Variants in IL12RB1 observed in about 807,000 individuals in gnomAD.
The protein encoded by IL12RB1 is interleukin 12 receptor subunit beta 1.
IL12RB1 carries 64 observed loss-of-function variants against 94.4 expected under a neutral mutation model. That is an observed-to-expected ratio of 0.68 (90% CI 0.55 to 0.83). The LOEUF is 0.83. Among genes scored for constraint, IL12RB1 ranks in the 40% least tolerant of loss-of-function variants. The pLI, the probability that IL12RB1 is intolerant of heterozygous loss-of-function variation, is 0.00. For missense variants in IL12RB1, 814 were observed against 855.6 expected, an observed-to-expected ratio of 0.95 and a Z score of 0.61; for synonymous variants, 362 against 355.5, an observed-to-expected ratio of 1.02 and a Z score of -0.21.
At chr19:18,082,313 C>A (rs1423459134) in intron 2 of IL12RB1, 49 bp from the exon 3 acceptor site, 1 of 1,079,974 alleles carries the variant, frequency 9.3e-7, no homozygotes, top group African/African-American at 1.6e-5. Flanking sequence ...CTGGAGGGGT[C>A]TTCGTGCCTA....
Position 18,072,434 on chromosome 19 carries a change from A to C in IL12RB1, c.784-85T>G, listed in dbSNP as rs1354810739. 7 of 858,904 alleles carry C rather than the reference A, an allele frequency of 8.1e-6. No individual in the cohort carries two copies. In the African/African-American group the frequency reaches 1.2e-4, roughly 14 times the overall value. The allele number at this position is 858,904 out of a possible 1,614,324, so 53.2% of individuals were successfully genotyped here. On this transcript the variant is annotated intron_variant, in intron 8 of 16. Coordinates refer to ENST00000593993, the MANE Select transcript of IL12RB1 (RefSeq NM_005535.3). Reference sequence around the variant, plus strand: ...AGACAGCAGGGCACAGCCTATGAAGACAGACTTGGACAAAGGCCACAGCCA... The same window carrying C: ...AGACAGCAGGGCACAGCCTATGAAGCCAGACTTGGACAAAGGCCACAGCCA...
chr19:18,059,300 C>T lies in IL12RB1; in HGVS notation c.*308G>A, dbSNP rs1450202927. 3 of 503,246 alleles carry T rather than the reference C, an allele frequency of 6.0e-6. No individual in the cohort carries two copies. The highest frequency in any genetic ancestry group is 7.2e-5 in the East Asian group (2 of 27,972). 31.2% of individuals were successfully genotyped at this position (503,246 alleles called of 1,614,324 possible). A position where few individuals can be genotyped will look rare whatever the true frequency, so the allele number is the denominator to read the frequency against. ...ATCCAGTGCTCCTGGGGGTGGATGC[C>T]CAGCCCAGGGTCCAGGGATCCATCT... On this transcript the variant is annotated 3_prime_UTR_variant, in exon 17 of 17. Coordinates refer to ENST00000593993, the MANE Select transcript of IL12RB1 (RefSeq NM_005535.3).
chr19:18,059,763 G>A lies in IL12RB1; in HGVS notation c.1983+131C>T. 5.5e-6 allele frequency: 4 copies of A among 729,906 alleles called. No homozygotes were observed. The South Asian group carries it at 5.8e-5, about 11-fold the overall frequency. 45.2% of individuals were successfully genotyped at this position (729,906 alleles called of 1,614,324 possible). On this transcript the variant is annotated intron_variant, in intron 16 of 16. Transcript: ENST00000593993. ...AGATAGTCGCTCTTCGTGTCTGTAA[G>A]ACAAAGTGGATGTTTTCGTTTCTCC...
intron 5 of IL12RB1, among the ~76,000 whole-genome samples, chr19:18,076,863 A>G (rs1042052246): frequency 6.6e-6 from 1 of 152,130 alleles, no homozygotes; most frequent in African/African-American, 2.4e-5. Flanking sequence ...TACTAAACAC[A>G]ATGTGGGATC....
Position 18,069,443 on chromosome 19 carries a change from C to A in IL12RB1, c.1189+103G>T, listed in dbSNP as rs17884695. On this transcript the variant is annotated intron_variant, in intron 10 of 16. Transcript: ENST00000593993. The stretch of plus-strand genomic sequence containing the variant: ...GAGTAAGCAGCAACACCTCTCTGGG[C>A]CTTAGACACCCGCTGTGTGCCTTCC... 1,070 of 1,128,086 alleles carry A rather than the reference C, an allele frequency of 9.5e-4. 10 individuals carry two copies. The African/African-American group carries it at 0.015, about 16-fold the overall frequency. 69.9% of individuals were successfully genotyped at this position (1,128,086 alleles called of 1,614,324 possible).
chr19:18,081,840 AAGAAAAAATGG>A (rs964039387), intron 3 of IL12RB1, among the ~76,000 whole-genome samples: 5 of 135,008 alleles, frequency 3.7e-5, no homozygotes, highest in Non-Finnish European at 6.5e-5. Context: ...AAAAAGAAAA[AAGAAAAAATGG>A]ATGGATGGAT....
chr19:18,090,965 A>G (rs1345120216), upstream of IL12RB1, among the ~76,000 whole-genome samples: 1 of 152,092 alleles, frequency 6.6e-6, no homozygotes, highest in Non-Finnish European at 1.5e-5. Context: ...GCCACAGCAG[A>G]GGCAAAAGTC....
At chr19:18,067,098 T>C (rs388567) in intron 11 of IL12RB1, among the ~76,000 whole-genome samples, 144,100 of 150,548 alleles carry the variant, frequency 0.96, 69,018 homozygotes, top group East Asian at 1. Context: ...CCAAGGTGGG[T>C]AGATCACTTA....
At chr19:18,086,960 T>TA, upstream of IL12RB1, 1 of 1,536,240 alleles carries the variant, frequency 6.5e-7, no homozygotes. Context: ...AGAAAAAAAG[T>TA]AAAGTGTCAC....
chr19:18,094,845 G>C (rs1355799987), intron 1 of IL12RB1, among the ~76,000 whole-genome samples: 1 of 151,912 alleles, frequency 6.6e-6, no homozygotes, highest in Non-Finnish European at 1.5e-5. Flanking sequence ...TATGACCCCG[G>C]AAGTCCATTC....
At chr19:18,092,184 CTTT>C (rs112888209) in intron 1 of IL12RB1, among the ~76,000 whole-genome samples, 1 of 129,440 alleles carries the variant, frequency 7.7e-6, no homozygotes, top group Non-Finnish European at 1.6e-5. Context: ...GACCATCCAG[CTTT>C]TTTTTTTTTT....
chr19:18,059,904 C>T lies in IL12RB1; in HGVS notation c.1973G>A (p.Cys658Tyr), dbSNP rs1464375553. The T allele has an allele frequency of 1.3e-6, 2 of 1,576,970 alleles. No individual in the cohort carries two copies. The highest frequency in any genetic ancestry group is 1.7e-6 in the Non-Finnish European group (2 of 1,160,048). Residue 658 changes from cysteine (C) to tyrosine (Y), a missense_variant, in exon 16 of 17, where the codon TGC becomes TAC. Transcript: ENST00000593993. ...TELSLEDGDR[C>Y]KAKM ...ACTGGGCCCCAGGACCTTGGCCTTG[C>T]ACCTGTCTCCATCCTCCAAGGACAA...
At chr19:18,065,696 G>A (rs1408370332) in intron 12 of IL12RB1, among the ~76,000 whole-genome samples, 3 of 152,090 alleles carry the variant, frequency 2.0e-5, no homozygotes, top group Admixed American at 1.3e-4. Flanking sequence ...GTGGGTGCCT[G>A]TAATCCCAGC....
intron 11 of IL12RB1, among the ~76,000 whole-genome samples, chr19:18,068,017 CTTTTTT>C (rs1216685125): frequency 1.7e-5 from 1 of 59,826 alleles, no homozygotes; most frequent in Non-Finnish European, 3.1e-5. Context: ...CAGCATTGTC[CTTTTTT>C]TTTTTTTTTT....
intron 11 of IL12RB1, among the ~76,000 whole-genome samples, chr19:18,068,017 C>CTTTTTT (rs1216685125): frequency 5.0e-5 from 3 of 59,826 alleles, no homozygotes; most frequent in African/African-American, 2.1e-4. Flanking sequence ...CAGCATTGTC[C>CTTTTTT]TTTTTTTTTT....
At chr19:18,079,745 A>G (rs1365576774) in intron 4 of IL12RB1, among the ~76,000 whole-genome samples, 1 of 152,012 alleles carries the variant, frequency 6.6e-6, no homozygotes, top group Non-Finnish European at 1.5e-5. Flanking sequence ...AAAATACAAA[A>G]ACTTAGCCGG....
At position 18,072,108 on chromosome 19, in the gene IL12RB1, G is replaced by C. The variant is rs148001549; in HGVS notation, c.1021+4C>G. 6.3e-7 allele frequency: 1 copy of C among 1,589,890 alleles called. No homozygotes were observed. The highest frequency in any genetic ancestry group is 1.3e-5 in the African/African-American group (1 of 74,522). ...ATACCGCCCTCCCCACCCAGAGGAG[G>C]CACCTGTGTGGGTGTCGGCAGGAAT... On this transcript the variant is annotated splice_donor_region_variant and intron_variant, in intron 9 of 16. Coordinates refer to ENST00000593993, the MANE Select transcript of IL12RB1 (RefSeq NM_005535.3).
Position 18,059,580 on chromosome 19 carries a change from G to A in IL12RB1, c.*28C>T, listed in dbSNP as rs746333941. On this transcript the variant is annotated 3_prime_UTR_variant, in exon 17 of 17. Coordinates refer to ENST00000593993, the MANE Select transcript of IL12RB1 (RefSeq NM_005535.3). Reference sequence around the variant, plus strand: ...GTGTGTGCTACGTAGCCTCGGGCGAGTCACTCACCCTCTCTGAGCCTCAAC... The same window carrying A: ...GTGTGTGCTACGTAGCCTCGGGCGAATCACTCACCCTCTCTGAGCCTCAAC... The A allele has an allele frequency of 2.6e-6, 2 of 780,250 alleles. No homozygotes were observed. The highest frequency in any genetic ancestry group is 4.8e-6 in the Non-Finnish European group (2 of 417,710). The allele number at this position is 780,250 out of a possible 1,614,324, so 48.3% of individuals were successfully genotyped here.
intron 7 of IL12RB1, among the ~76,000 whole-genome samples, chr19:18,074,078 C>T (rs1411947184): frequency 2.0e-5 from 3 of 152,204 alleles, no homozygotes; most frequent in African/African-American, 7.2e-5. Context: ...TTGCCTCGGC[C>T]TCCCAAACTG....
Sources: gnomAD v4.1 joint callset for allele counts (sites outside exome capture counted in the v4.1 genomes callset) on GRCh38, gnomAD v4.1.1 for gene constraint, MANE v1.5 for transcripts, NCBI Gene and HGNC (gene_info 2026-07-23, HGNC 2026-07-21) for gene names.